The following SBF2 variants were observed in gnomAD, a reference collection of about 807,000 sequenced individuals.
SBF2 encodes the protein myotubularin-related protein 13.
A neutral mutation model predicts 225.2 loss-of-function variants in SBF2; 112 were observed. The ratio of observed to expected loss-of-function variants is 0.50; its 90% CI spans 0.43 to 0.58. The LOEUF (loss-of-function observed/expected upper bound fraction) is 0.58, where lower values mean the gene tolerates loss of function less well. SBF2 is among the 20% of genes least tolerant of loss of function. The pLI is 0.00. For missense variants in SBF2, 1,996 were observed against 2,206.2 expected (o/e 0.90, Z 1.91); for synonymous variants, 763 against 773.3 (o/e 0.99, Z 0.22).
rs1955016446 is a variant in SBF2 at position 10,148,797 on chromosome 11, T to C, written c.141+45105A>G. ...CAGTGGTTGCTAATCTGTAGCATTA[T>C]GAAATCCCACTGGATGTATGAACAT... is the stretch of plus-strand genomic sequence containing the variant. On this transcript the variant is annotated intron_variant, in intron 2 of 39. Coordinates refer to ENST00000256190, the MANE Select transcript of SBF2 (RefSeq NM_030962.4). Among the ~76,000 whole-genome samples, 3 of 152,182 alleles carry C rather than the reference T, an allele frequency of 2.0e-5. No individual in the cohort carries two copies. In the South Asian group the frequency reaches 6.2e-4, roughly 32 times the overall value.
chr11:10,064,592 A>C (rs1374069437), intron 2 of SBF2, among the ~76,000 whole-genome samples: 1 of 152,230 alleles, frequency 6.6e-6, no homozygotes, highest in Non-Finnish European at 1.5e-5. Context: ...AAAGGAGGGG[A>C]AACAGATATA....
In SBF2 at chr11:9,829,394, C is replaced by G. The variant is rs1564889923; in HGVS notation, c.3755G>C (p.Ser1252Thr). The G allele has an allele frequency of 6.2e-7, 1 of 1,613,990 alleles. No individual in the cohort carries two copies. The highest frequency in any genetic ancestry group is 1.7e-5 in the Admixed American group (1 of 60,004). Residue 1252 changes from serine to threonine, a missense_variant, in exon 28 of 40, where the codon AGC becomes ACC. Physicochemically the swap from Ser to Thr is moderately conservative, Grantham distance 58 (BLOSUM62 1). Coordinates refer to ENST00000256190, the MANE Select transcript of SBF2 (RefSeq NM_030962.4). ...AAAGGCTGGCCTGACAGTAAGAGTG[C>G]TGTTGCCTCTGAGTTTCTGATGGAC... Reference protein sequence around the residue: ...VSVHQKLRGNSTLTVRPAFAL... With the variant: ...VSVHQKLRGNTTLTVRPAFAL...
intron 29 of SBF2, among the ~76,000 whole-genome samples, chr11:9,815,006 G>A (rs1446558162): frequency 6.6e-6 from 1 of 152,138 alleles, no homozygotes; most frequent in Non-Finnish European, 1.5e-5. Flanking sequence ...ATGGCATTGT[G>A]CAAGCTAGAA....
At position 10,302,343 on chromosome 11, in the gene SBF2, C is replaced by A. The variant is rs142281936; in HGVS notation, n.386+2149G>T. On this transcript the variant is annotated intron_variant and non_coding_transcript_variant, in intron 1 of 5. Coordinates refer to the SBF2 transcript ENST00000685217. Reference sequence around the variant, plus strand: ...GGGGAGCACTCTAGCCCCTGCTACTCACCCATGCAAGCGGGGTGCGCGCTC... The same window carrying A: ...GGGGAGCACTCTAGCCCCTGCTACTAACCCATGCAAGCGGGGTGCGCGCTC... Among the ~76,000 whole-genome samples the A allele has an allele frequency of 2.0e-5, 3 of 152,382 alleles. No homozygotes were observed. The East Asian group carries it at 5.8e-4, about 29-fold the overall frequency.
At position 10,303,341 on chromosome 11, in the gene SBF2, G is replaced by C. The variant is rs2133656174; in HGVS notation, n.386+1151C>G. On this transcript the variant is annotated intron_variant and non_coding_transcript_variant, in intron 1 of 5. Coordinates refer to the SBF2 transcript ENST00000685217. The surrounding 1 kb of genome is among the most constrained non-coding windows in gnomAD (Gnocchi z 5.2). ...GGAATCTGTCCTCCGTCCTCAGATG[G>C]AATTCAGGTCCGCTCAGGTGACTCC... 1 of 152,498 alleles carries C rather than the reference G, an allele frequency of 6.6e-6. No homozygotes were observed. 9.4% of individuals were successfully genotyped at this position (152,498 alleles called of 1,614,324 possible). A position where few individuals can be genotyped will look rare whatever the true frequency, so the allele number is the denominator to read the frequency against.
At chr11:10,103,409 G>A (rs1952399694) in intron 2 of SBF2, among the ~76,000 whole-genome samples, 1 of 152,250 alleles carries the variant, frequency 6.6e-6, no homozygotes, top group South Asian at 2.1e-4. Context: ...CTATATTTGT[G>A]TAAATGTGTT....
chr11:10,124,512 T>C (rs1953644106), intron 2 of SBF2, among the ~76,000 whole-genome samples: 1 of 152,212 alleles, frequency 6.6e-6, no homozygotes. Flanking sequence ...AGGTGAACTA[T>C]ATAAGTCCCT....
chr11:9,932,957 C>CAAAAAA lies in SBF2; in HGVS notation c.1860+28994_1860+28999dup, dbSNP rs574177096. 3.4e-4 allele frequency among the ~76,000 whole-genome samples: 20 copies of CAAAAAA among 58,768 alleles called. 2 individuals are homozygous for CAAAAAA. The East Asian group carries it at 9.5e-3, about 28-fold the overall frequency. The allele number at this position is 58,768 out of a possible 152,430, so 38.6% of individuals were successfully genotyped here. A position where few individuals can be genotyped will look rare whatever the true frequency, so the allele number is the denominator to read the frequency against. On this transcript the variant is annotated intron_variant, in intron 16 of 39. Coordinates refer to ENST00000256190, the MANE Select transcript of SBF2 (RefSeq NM_030962.4). ...GGAGATCTACCAAGCAAACGAAAAG[C>CAAAAAA]AAAAAAAAAAAAAAAAAAAAAAAAA...
intron 16 of SBF2, among the ~76,000 whole-genome samples, chr11:9,955,871 T>A (rs1441638663): frequency 5.3e-5 from 8 of 151,804 alleles, no homozygotes; most frequent in Non-Finnish European, 8.8e-5. Context: ...ACCTTAGTTT[T>A]AAAAAAATAC....
rs1180184303 is a variant in SBF2 at position 10,270,994 on chromosome 11, CAAAAAAAAAAAA to C, written c.55+23009_55+23020del. ...TGGGCGACAGAGCAAGACTCTGTCT[CAAAAAAAAAAAA>C]AAAAAAAAAAAAAAAGTAGTAAAAT... On this transcript the variant is annotated intron_variant, in intron 1 of 39. Transcript: ENST00000256190. Among the ~76,000 whole-genome samples, 50 of 27,688 alleles carry C rather than the reference CAAAAAAAAAAAA, an allele frequency of 1.8e-3. No homozygotes were observed. The East Asian group carries it at 0.041, about 23-fold the overall frequency. The allele number at this position is 27,688 out of a possible 152,430, so 18.2% of individuals were successfully genotyped here.
rs529850699 is a variant in SBF2 at position 9,940,138 on chromosome 11, T to A, written c.1860+21819A>T. The stretch of plus-strand genomic sequence containing the variant: ...CTATGCTAAGGCCGGGCGCGGTGGC[T>A]CACGCCTGTAATCCCAGCACTTTGG... On this transcript the variant is annotated intron_variant, in intron 16 of 39. Transcript: ENST00000256190. 3.9e-5 allele frequency among the ~76,000 whole-genome samples: 6 copies of A among 152,310 alleles called. No individual in the cohort carries two copies. In the South Asian group the frequency reaches 1.2e-3, roughly 32 times the overall value.
At chr11:10,288,774 T>C (rs1302885381) in intron 1 of SBF2, among the ~76,000 whole-genome samples, 1 of 152,118 alleles carries the variant, frequency 6.6e-6, no homozygotes, top group Non-Finnish European at 1.5e-5. Flanking sequence ...CATCTCTCCA[T>C]CCTCTGCTCT....
intron 16 of SBF2, among the ~76,000 whole-genome samples, chr11:9,946,599 C>T (rs1283203308): frequency 4.0e-5 from 6 of 151,708 alleles, no homozygotes; most frequent in East Asian, 1.9e-4. Flanking sequence ...TACAGGCATG[C>T]GCCACCATGC....
chr11:9,952,738 C>G (rs571837010), intron 16 of SBF2, among the ~76,000 whole-genome samples: 1 of 152,256 alleles, frequency 6.6e-6, no homozygotes, highest in South Asian at 2.1e-4. Context: ...CTGTTCTCAT[C>G]TCTTCTCCAA....
At chr11:10,218,299 T>C (rs904822838) in intron 1 of SBF2, among the ~76,000 whole-genome samples, 2 of 148,392 alleles carry the variant, frequency 1.3e-5, no homozygotes, top group Non-Finnish European at 3.0e-5. Context: ...CACTATCACA[T>C]GAATAGCACA....
At chr11:10,069,488 C>T (rs573589315) in intron 2 of SBF2, among the ~76,000 whole-genome samples, 1 of 152,296 alleles carries the variant, frequency 6.6e-6, no homozygotes, top group South Asian at 2.1e-4. Flanking sequence ...AGGACATGAA[C>T]TCATCCTTTT....
intron 13 of SBF2, among the ~76,000 whole-genome samples, chr11:9,984,809 A>G (rs896512921): frequency 6.6e-6 from 1 of 152,214 alleles, no homozygotes; most frequent in African/African-American, 2.4e-5. Context: ...ATCAGCCAAG[A>G]ATTTTGTATC....
chr11:9,867,447 T>C (rs2134036007), intron 17 of SBF2, among the ~76,000 whole-genome samples: 1 of 152,284 alleles, frequency 6.6e-6, no homozygotes, highest in African/African-American at 2.4e-5. Context: ...GATGGGAATA[T>C]AAATGAGTAT....
At chr11:9,942,866 A>G (rs975683700) in intron 16 of SBF2, among the ~76,000 whole-genome samples, 1 of 137,942 alleles carries the variant, frequency 7.2e-6, no homozygotes, top group African/African-American at 2.6e-5. Flanking sequence ...AAAGGAAGAA[A>G]GGAAGAAAGA....
Sources: allele counts gnomAD v4.1 joint callset (sites outside exome capture counted in the v4.1 genomes callset), GRCh38; gene constraint gnomAD v4.1.1; non-coding constraint Gnocchi (gnomAD v3.1); transcripts MANE v1.5; gene names NCBI Gene and HGNC (gene_info 2026-07-23, HGNC 2026-07-21).